The following FAAH variants were observed in gnomAD, a reference collection of about 807,000 sequenced individuals.
FAAH encodes fatty-acid amide hydrolase 1.
In FAAH, 63 loss-of-function variants were observed where a neutral mutation model predicts 69.7. The observed-to-expected ratio is 0.90, with a 90% CI of 0.74 to 1.12. FAAH has a LOEUF of 1.12. Ranked by LOEUF, FAAH falls within the 50% of genes most tolerant of loss-of-function variation. FAAH has a pLI of 0.00. For synonymous variants in FAAH, 305 were observed against 324.2 expected (o/e 0.94, Z 0.64); for missense variants, 680 against 755.0 (o/e 0.90, Z 1.16).
Position 46,408,543 on chromosome 1 carries a change from G to A in FAAH, c.1036G>A (p.Val346Met), listed in dbSNP as rs144534314. 7.0e-5 allele frequency: 113 copies of A among 1,614,172 alleles called. No individual in the cohort carries two copies. In the African/African-American group the frequency reaches 7.1e-4, roughly 10 times the overall value. ...TMPSPAMRRAVLETKQSLEAA... is the reference protein window; with the variant it reads ...TMPSPAMRRAMLETKQSLEAA... ...GCCCTCCCCGGCCATGAGGCGGGCC[G>A]TGCTGGAGACCAAACAGAGCCTTGA... is the stretch of plus-strand genomic sequence containing the variant. Residue 346 changes from valine to methionine, a missense_variant, in exon 8 of 15, where the codon GTG (valine) becomes ATG (methionine). By Grantham distance (21) the Val-to-Met change is conservative. Coordinates refer to ENST00000243167, the MANE Select transcript of FAAH (RefSeq NM_001441.3).
intron 13 of FAAH, 83 bp downstream of exon 13, chr1:46,412,334 T>C (rs1235949871): frequency 1.8e-5 from 22 of 1,196,306 alleles, no homozygotes; most frequent in South Asian, 9.1e-5. Context: ...AGAAGAGCCC[T>C]CTGGGAGGAC....
chr1:46,394,510 C>A lies in FAAH; in HGVS notation c.162C>A (p.Asn54Lys). Reference protein sequence around the residue: ...ARQRQRAGLENMDRAAQRFRL... With the variant: ...ARQRQRAGLEKMDRAAQRFRL... ...AGAGGCAGCGAGCGGGCCTGGAGAA[C>A]ATGGACAGGGCGGCGCAGCGCTTCC... is the stretch of plus-strand genomic sequence containing the variant. The change falls in exon 1 of 15, where the codon AAC becomes AAA. Residue 54 changes from asparagine to lysine, a missense_variant. Coordinates refer to ENST00000243167, the MANE Select transcript of FAAH (RefSeq NM_001441.3). 2.9e-6 allele frequency: 4 copies of A among 1,393,104 alleles called. No homozygotes were observed. Among genetic ancestry groups the A allele is most frequent in the Non-Finnish European group, 3.7e-6 (4 of 1,080,014 alleles). The allele number at this position is 1,393,104 out of a possible 1,614,324, so 86.3% of individuals were successfully genotyped here. A position where few individuals can be genotyped will look rare whatever the true frequency, so the allele number is the denominator to read the frequency against.
rs1413606446 is a variant in FAAH at position 46,410,982 on chromosome 1, G to A, written c.1316+128G>A. On this transcript the variant is annotated intron_variant, in intron 11 of 14. Coordinates refer to ENST00000243167, the MANE Select transcript of FAAH (RefSeq NM_001441.3). This position sits in a 1 kb window ranked among gnomAD's most constrained non-coding sequence, Gnocchi z 4.9. The stretch of plus-strand genomic sequence containing the variant: ...GAGGCTGGAAGTGGCCCAGGCAGGG[G>A]GGCAACCTTTGTGGCCTTCAGATGG... 8.6e-7 allele frequency: 1 copy of A among 1,164,140 alleles called. No individual in the cohort carries two copies. The highest frequency in any genetic ancestry group is 2.4e-5 in the East Asian group (1 of 41,178). 72.1% of individuals were successfully genotyped at this position (1,164,140 alleles called of 1,614,324 possible).
chr1:46,397,717 A>G (rs1664621934), intron 1 of FAAH, among the ~76,000 whole-genome samples: 2 of 151,572 alleles, frequency 1.3e-5, no homozygotes, highest in Admixed American at 6.6e-5. Flanking sequence ...GCCTGCCACC[A>G]TGCCTGGCTA....
At chr1:46,400,118 C>T (rs892154593) in intron 1 of FAAH, among the ~76,000 whole-genome samples, 2 of 141,574 alleles carry the variant, frequency 1.4e-5, no homozygotes, top group African/African-American at 5.2e-5. Flanking sequence ...GCTCCTGACA[C>T]TGAGGACATC....
Position 46,411,004 on chromosome 1 carries a change from A to G in FAAH, c.1316+150A>G. 1 of 895,280 alleles carries G rather than the reference A, an allele frequency of 1.1e-6. No homozygotes were observed. 55.5% of individuals were successfully genotyped at this position (895,280 alleles called of 1,614,324 possible). A position where few individuals can be genotyped will look rare whatever the true frequency, so the allele number is the denominator to read the frequency against. On this transcript the variant is annotated intron_variant, in intron 11 of 14. Transcript: ENST00000243167. The surrounding 1 kb of genome is among the most constrained non-coding windows in gnomAD (Gnocchi z 4.8). ...GGGGGGCAACCTTTGTGGCCTTCAG[A>G]TGGGACTTTGAAGTTGTCTTGGCAA...
rs1012448036 is a variant in FAAH at position 46,411,213 on chromosome 1, G to T, written c.1316+359G>T. 6.6e-6 allele frequency among the ~76,000 whole-genome samples: 1 copy of T among 152,172 alleles called. No individual in the cohort carries two copies. The highest frequency in any genetic ancestry group is 2.4e-5 in the African/African-American group (1 of 41,432). On this transcript the variant is annotated intron_variant, in intron 11 of 14. Coordinates refer to ENST00000243167, the MANE Select transcript of FAAH (RefSeq NM_001441.3). The surrounding 1 kb of genome is among the most constrained non-coding windows in gnomAD (Gnocchi z 4.8). ...AGAGATCTGAGCTGACCTGAGCTGC[G>T]CCAGGCCCTACTTGCCCCTTAGTGG...
chr1:46,394,450 C>T lies in FAAH; in HGVS notation c.102C>T (p.Arg34=), dbSNP rs1334768161. The T allele has an allele frequency of 2.2e-6, 3 of 1,378,018 alleles. No individual in the cohort carries two copies. In the African/African-American group the frequency reaches 4.6e-5, roughly 21 times the overall value. 85.4% of individuals were successfully genotyped at this position (1,378,018 alleles called of 1,614,324 possible). A position where few individuals can be genotyped will look rare whatever the true frequency, so the allele number is the denominator to read the frequency against. The part of the protein sequence containing the change: ...AAAVALRWSG[R]RTARGAVVRA... ...CCGTGGCCCTGCGCTGGTCCGGGCGCCGGACGGCGCGGGGCGCGGTGGTCC... is the reference window on the plus strand; with the variant it reads ...CCGTGGCCCTGCGCTGGTCCGGGCGTCGGACGGCGCGGGGCGCGGTGGTCC... Residue 34 remains arginine, a synonymous_variant, in exon 1 of 15, where the codon CGC becomes CGT. Transcript: ENST00000243167.
chr1:46,395,471 G>A (rs1049352980), intron 1 of FAAH, among the ~76,000 whole-genome samples: 1 of 152,162 alleles, frequency 6.6e-6, no homozygotes, highest in African/African-American at 2.4e-5. Context: ...CAGTATGTGG[G>A]TTTGGAGGCG....
chr1:46,406,956 A>G (rs1664810952), intron 7 of FAAH, among the ~76,000 whole-genome samples: 1 of 152,030 alleles, frequency 6.6e-6, no homozygotes, highest in South Asian at 2.1e-4. Context: ...GGCACCAGGG[A>G]TGCAGGAATC....
At chr1:46,408,346 T>C (rs1397787705) in intron 7 of FAAH, 113 bp from the exon 8 acceptor site, 1 of 1,453,354 alleles carries the variant, frequency 6.9e-7, no homozygotes, top group Non-Finnish European at 9.6e-7. Flanking sequence ...CTGGCCTCGC[T>C]GACTGCAGCC....
At chr1:46,407,956 A>G (rs952313072) in intron 7 of FAAH, among the ~76,000 whole-genome samples, 2 of 152,100 alleles carry the variant, frequency 1.3e-5, no homozygotes, top group African/African-American at 4.8e-5. Context: ...AGCAGGGCAG[A>G]TCTGGGCTGG....
chr1:46,413,388 G>T (rs780894799), intron 14 of FAAH, 59 bp from the exon 15 acceptor site: 1 of 1,613,096 alleles, frequency 6.2e-7, no homozygotes, highest in Non-Finnish European at 8.5e-7. Flanking sequence ...TGCTTCCTGG[G>T]CCTGGGGGTG....
In FAAH at chr1:46,411,963, G is replaced by A. The variant is rs1414331148; in HGVS notation, c.1357-180G>A. On this transcript the variant is annotated intron_variant, in intron 12 of 14. Coordinates refer to ENST00000243167, the MANE Select transcript of FAAH (RefSeq NM_001441.3). This position sits in a 1 kb window ranked among gnomAD's most constrained non-coding sequence, Gnocchi z 4.8. ...CCACAATTCATTCTGGAGGCAGAACGACTGATGCCCTCTGAGAGGCAGCAC... is the reference window on the plus strand; with the variant it reads ...CCACAATTCATTCTGGAGGCAGAACAACTGATGCCCTCTGAGAGGCAGCAC... Among the ~76,000 whole-genome samples, 1 of 152,266 alleles carries A rather than the reference G, an allele frequency of 6.6e-6. No homozygotes were observed. Among genetic ancestry groups the A allele is most frequent in the Admixed American group, 6.5e-5 (1 of 15,290 alleles).
In FAAH at chr1:46,402,084, C is replaced by T; in HGVS notation, c.196-7C>T. 6.2e-7 allele frequency: 1 copy of T among 1,600,018 alleles called. No homozygotes were observed. Among genetic ancestry groups the T allele is most frequent in the Non-Finnish European group, 8.5e-7 (1 of 1,172,770 alleles). ...GTAGGGGACTGATCCGAGTTTGTTC[C>T]CCACAGAACCCAGACCTGGACTCAG... On this transcript the variant is annotated splice_polypyrimidine_tract_variant and splice_region_variant and intron_variant, in intron 1 of 14. Transcript: ENST00000243167.
At position 46,410,633 on chromosome 1, in the gene FAAH, C is replaced by T; in HGVS notation, c.1275+136C>T. 2 of 1,070,296 alleles carry T rather than the reference C, an allele frequency of 1.9e-6. No homozygotes were observed. The highest frequency in any genetic ancestry group is 2.9e-6 in the Non-Finnish European group (2 of 694,470). 66.3% of individuals were successfully genotyped at this position (1,070,296 alleles called of 1,614,324 possible). ...GCCTCCTCTTCTCTCCAGTCCCCAC[C>T]CAGACTGCTCTCCTCCTCTGTCCCC... is the stretch of plus-strand genomic sequence containing the variant. On this transcript the variant is annotated intron_variant, in intron 10 of 14. Transcript: ENST00000243167. The surrounding 1 kb of genome is among the most constrained non-coding windows in gnomAD (Gnocchi z 4.9).
intron 1 of FAAH, among the ~76,000 whole-genome samples, chr1:46,400,001 T>C (rs1664667835): frequency 6.6e-6 from 1 of 152,132 alleles, no homozygotes; most frequent in Admixed American, 6.5e-5. Flanking sequence ...GATTATCTAG[T>C]GTGTTTGGGG....
Position 46,405,720 on chromosome 1 carries a change from T to C in FAAH, c.711T>C (p.Asp237=). Residue 237 remains aspartate, a synonymous_variant, in exon 5 of 15, where the codon GAT becomes GAC. Transcript: ENST00000243167. This position sits in a 1 kb window ranked among gnomAD's most constrained non-coding sequence, Gnocchi z 4.1. ...GCTCCCCCCTGGGCTTAGGCACTGA[T>C]ATCGGAGGCAGCATCCGCTTCCCCT... The part of the protein sequence containing the change: ...SGGSPLGLGT[D]IGGSIRFPSS... The C allele has an allele frequency of 6.2e-7, 1 of 1,613,516 alleles. No homozygotes were observed.
At position 46,410,718 on chromosome 1, in the gene FAAH, C is replaced by T; in HGVS notation, c.1276-96C>T. On this transcript the variant is annotated intron_variant, in intron 10 of 14. Coordinates refer to ENST00000243167, the MANE Select transcript of FAAH (RefSeq NM_001441.3). The surrounding 1 kb of genome is among the most constrained non-coding windows in gnomAD (Gnocchi z 4.9). ...TGCCGACCTGGGCCCTGGGGGGAGG[C>T]ATGGAGGGAGGGGTCCCCAGTGGCT... The T allele has an allele frequency of 6.7e-7, 1 of 1,483,332 alleles. No homozygotes were observed. 91.9% of individuals were successfully genotyped at this position (1,483,332 alleles called of 1,614,324 possible). A position where few individuals can be genotyped will look rare whatever the true frequency, so the allele number is the denominator to read the frequency against.
Sources: allele counts gnomAD v4.1 joint callset (sites outside exome capture counted in the v4.1 genomes callset), GRCh38; gene constraint gnomAD v4.1.1; non-coding constraint Gnocchi (gnomAD v3.1); transcripts MANE v1.5; gene names NCBI Gene and HGNC (gene_info 2026-07-23, HGNC 2026-07-21).